The following SORL1-AS1 variants were observed in gnomAD, a reference collection of about 807,000 sequenced individuals.
The protein encoded by SORL1-AS1 is lncRNA 51 A.
chr11:121,438,555 C>G, the SORL1-AS1 span, among the ~76,000 whole-genome samples: 5 of 151,862 alleles, frequency 3.3e-5, no homozygotes, highest in Non-Finnish European at 7.4e-5. Context: ...TGTGTGTACT[C>G]TTTTGTGTCT....
At position 121,450,905 on chromosome 11, in the gene SORL1-AS1, G is replaced by T. The variant is rs1047167897; in HGVS notation, n.340-1006C>A. Among the ~76,000 whole-genome samples, 2 of 152,166 alleles carry T rather than the reference G, an allele frequency of 1.3e-5. No individual in the cohort carries two copies. The highest frequency in any genetic ancestry group is 2.4e-5 in the African/African-American group (1 of 41,440). On this transcript the variant is annotated intron_variant and non_coding_transcript_variant, in intron 1 of 1. Coordinates refer to ENST00000501964, the Ensembl canonical transcript of SORL1-AS1. This position sits in a 1 kb window ranked among gnomAD's most constrained non-coding sequence, Gnocchi z 5.2. ...GGTGGTTGAATACTGGCTTCAGGGAGATGAGGCAAGCTGGCCTGACTCTGG... is the reference window on the plus strand; with the variant it reads ...GGTGGTTGAATACTGGCTTCAGGGATATGAGGCAAGCTGGCCTGACTCTGG...
At chr11:121,446,068 C>T (rs2134749732), downstream of SORL1-AS1, among the ~76,000 whole-genome samples, 1 of 152,274 alleles carries the variant, frequency 6.6e-6, no homozygotes, top group Middle Eastern at 3.4e-3. Context: ...AAAATTGTTC[C>T]TCCTTCCAGA....
downstream of SORL1-AS1, among the ~76,000 whole-genome samples, chr11:121,443,887 A>G (rs1860692380): frequency 6.6e-6 from 1 of 152,212 alleles, no homozygotes; most frequent in Non-Finnish European, 1.5e-5. Context: ...TGTTGAATTC[A>G]TCTGGTCTTT....
chr11:121,443,002 A>G (rs999354623), downstream of SORL1-AS1, among the ~76,000 whole-genome samples: 2 of 151,902 alleles, frequency 1.3e-5, no homozygotes, highest in African/African-American at 2.4e-5. Flanking sequence ...CAAAAGAAAA[A>G]AAAAAAAAAG....
exon 2 of SORL1-AS1, chr11:121,449,290 T>C (rs893510718): frequency 1.3e-5 from 2 of 152,244 alleles, no homozygotes; most frequent in African/African-American, 4.8e-5. Context: ...CAGAGGGGGA[T>C]ATGGTACTGT....
chr11:121,444,128 A>G (rs545996577), downstream of SORL1-AS1, among the ~76,000 whole-genome samples: 196 of 151,842 alleles, frequency 1.3e-3, 2 homozygotes, highest in African/African-American at 4.2e-3. Flanking sequence ...GTCAGAGAGA[A>G]AGAGAGAGAG....
At chr11:121,444,418 T>TA (rs374344720), downstream of SORL1-AS1, among the ~76,000 whole-genome samples, 21 of 152,352 alleles carry the variant, frequency 1.4e-4, no homozygotes, top group African/African-American at 4.3e-4. Flanking sequence ...CATATTTACT[T>TA]ACGGATGAAG....
chr11:121,446,843 A>G (rs78877440), downstream of SORL1-AS1, among the ~76,000 whole-genome samples: 7,489 of 152,026 alleles, frequency 0.049, 216 homozygotes, highest in African/African-American at 0.081. Context: ...TGGCCCTAAG[A>G]GAGTGCAGAG....
In SORL1-AS1 at chr11:121,452,768, G is replaced by T. The variant is rs578506; in HGVS notation, n.246C>A. The T allele has an allele frequency of 1.0e-5, 6 of 597,620 alleles. No homozygotes were observed. In the East Asian group the frequency reaches 2.1e-4, roughly 21 times the overall value. 37.0% of individuals were successfully genotyped at this position (597,620 alleles called of 1,614,324 possible). A position where few individuals can be genotyped will look rare whatever the true frequency, so the allele number is the denominator to read the frequency against. On this transcript the variant is annotated non_coding_transcript_exon_variant, in exon 1 of 2. Transcript: ENST00000501964. The surrounding 1 kb of genome is among the most constrained non-coding windows in gnomAD (Gnocchi z 5.3). ...GTTTTTTTCCTTCACGAGTACAACC[G>T]TCAGCACTTGAATCGCATTGATCTT... is the stretch of plus-strand genomic sequence containing the variant.
chr11:121,445,443 C>A (rs1860709779), downstream of SORL1-AS1, among the ~76,000 whole-genome samples: 2 of 152,186 alleles, frequency 1.3e-5, no homozygotes. Flanking sequence ...AAGGGACGAG[C>A]TGGGCGCTCC....
chr11:121,451,403 G>T (rs1167830874), intron 1 of SORL1-AS1, among the ~76,000 whole-genome samples: 1 of 152,206 alleles, frequency 6.6e-6, no homozygotes, highest in Non-Finnish European at 1.5e-5. Flanking sequence ...CTGGCTGTGG[G>T]TTGAAGGGAC....
the SORL1-AS1 span, among the ~76,000 whole-genome samples, chr11:121,440,998 T>C: frequency 6.6e-6 from 1 of 152,210 alleles, no homozygotes; most frequent in Non-Finnish European, 1.5e-5. Context: ...CACTCCTTTT[T>C]CTGCCCCTAC....
At chr11:121,446,633 C>T (rs935864634), downstream of SORL1-AS1, among the ~76,000 whole-genome samples, 4 of 152,062 alleles carry the variant, frequency 2.6e-5, no homozygotes, top group Non-Finnish European at 4.4e-5. Flanking sequence ...TGCCTATAAT[C>T]CCAGCTACTC....
In SORL1-AS1 at chr11:121,450,468, T is replaced by G. The variant is rs114079044; in HGVS notation, n.340-569A>C. 3.2e-3 allele frequency among the ~76,000 whole-genome samples: 484 copies of G among 151,668 alleles called. 5 individuals carry two copies. Among genetic ancestry groups the G allele is most frequent in the African/African-American group, 0.011 (459 of 41,406 alleles). The stretch of plus-strand genomic sequence containing the variant: ...TATTTTTAATTGACATATATAAGTA[T>G]ATAATAAATATATATGTTATATATA... On this transcript the variant is annotated intron_variant and non_coding_transcript_variant, in intron 1 of 1. Coordinates refer to ENST00000501964, the Ensembl canonical transcript of SORL1-AS1. The surrounding 1 kb of genome is among the most constrained non-coding windows in gnomAD (Gnocchi z 5.2).
At position 121,452,205 on chromosome 11, in the gene SORL1-AS1, CGGAGCGGCGCGGGCGGCCTGGAGCCCCG is replaced by C; in HGVS notation, n.339+442_339+469del. On this transcript the variant is annotated intron_variant and non_coding_transcript_variant, in intron 1 of 1. Transcript: ENST00000501964. The surrounding 1 kb of genome is among the most constrained non-coding windows in gnomAD (Gnocchi z 5.3). ...CGGCGGCGGGCGCAGCGGGGCGGCC[CGGAGCGGCGCGGGCGGCCTGGAGCCCCG>C]GGAGCGGCGCGCGCGGTCCCGGCCC... is the stretch of plus-strand genomic sequence containing the variant. The C allele has an allele frequency of 1.9e-6, 1 of 519,380 alleles. No homozygotes were observed. Among genetic ancestry groups the C allele is most frequent in the South Asian group, 7.9e-5 (1 of 12,594 alleles). The allele number at this position is 519,380 out of a possible 1,614,324, so 32.2% of individuals were successfully genotyped here. A position where few individuals can be genotyped will look rare whatever the true frequency, so the allele number is the denominator to read the frequency against.
chr11:121,452,697 C>A lies in SORL1-AS1; in HGVS notation n.317G>T. On this transcript the variant is annotated non_coding_transcript_exon_variant, in exon 1 of 2. Coordinates refer to ENST00000501964, the Ensembl canonical transcript of SORL1-AS1. This position sits in a 1 kb window ranked among gnomAD's most constrained non-coding sequence, Gnocchi z 5.3. ...CACCCCCGCATCCATCCGTTGCAGT[C>A]GCCTCCTAGGTGCAGGCACCACTGG... 1.6e-6 allele frequency: 2 copies of A among 1,285,826 alleles called. No individual in the cohort carries two copies. The highest frequency in any genetic ancestry group is 3.1e-5 in the East Asian group (1 of 31,978). 79.7% of individuals were successfully genotyped at this position (1,285,826 alleles called of 1,614,324 possible).
At chr11:121,440,017 G>C in the SORL1-AS1 span, among the ~76,000 whole-genome samples, 1 of 152,156 alleles carries the variant, frequency 6.6e-6, no homozygotes, top group African/African-American at 2.4e-5. Context: ...TTCTGGGTGG[G>C]GAGGCATGGT....
chr11:121,452,427 G>A lies in SORL1-AS1; in HGVS notation n.339+248C>T. 6.6e-7 allele frequency: 1 copy of A among 1,511,236 alleles called. No homozygotes were observed. Among genetic ancestry groups the A allele is most frequent in the South Asian group, 1.3e-5 (1 of 79,642 alleles). 93.6% of individuals were successfully genotyped at this position (1,511,236 alleles called of 1,614,324 possible). A position where few individuals can be genotyped will look rare whatever the true frequency, so the allele number is the denominator to read the frequency against. Reference sequence around the variant, plus strand: ...CCGGAGCTCTCTGCGAAGTCTGGACGCAGAGGCTGCACGGCGGCAGCGCGC... The same window carrying A: ...CCGGAGCTCTCTGCGAAGTCTGGACACAGAGGCTGCACGGCGGCAGCGCGC... On this transcript the variant is annotated intron_variant and non_coding_transcript_variant, in intron 1 of 1. Transcript: ENST00000501964. The surrounding 1 kb of genome is among the most constrained non-coding windows in gnomAD (Gnocchi z 5.3).
downstream of SORL1-AS1, among the ~76,000 whole-genome samples, chr11:121,443,438 C>T (rs1860687806): frequency 6.6e-6 from 1 of 152,242 alleles, no homozygotes; most frequent in Non-Finnish European, 1.5e-5. Flanking sequence ...AATATTCCCA[C>T]TGAAGGAAAA....
Sources: gnomAD v4.1 joint callset for allele counts (sites outside exome capture counted in the v4.1 genomes callset) on GRCh38, gnomAD v4.1.1 for gene constraint, Gnocchi (gnomAD v3.1) non-coding constraint, MANE v1.5 for transcripts, NCBI Gene and HGNC (gene_info 2026-07-23, HGNC 2026-07-21) for gene names.